PCSK9: variants seen among roughly 807,000 people sequenced by gnomAD.
PCSK9 encodes the protein convertase subtilisin/kexin type 9 preproprotein.
PCSK9 carries 57 observed loss-of-function variants against 62.1 expected under a neutral mutation model. That is an observed-to-expected ratio of 0.92 (90% CI 0.74 to 1.14). PCSK9 has a LOEUF of 1.14. Among genes scored for constraint, PCSK9 ranks in the 50% most tolerant of loss-of-function variants. PCSK9 has a pLI of 0.00. For synonymous variants in PCSK9, 387 were observed against 409.4 expected (o/e 0.95, Z 0.66); for missense variants, 870 against 959.8 (o/e 0.91, Z 1.24).
rs1304809659 is a variant in PCSK9, at chr1:55,039,928, C to G, written c.91C>G (p.Gln31Glu). Residue 31 changes from glutamine (Q) to glutamate (E), a missense_variant, in exon 1 of 12, where the codon CAG (glutamine) becomes GAG (glutamate). Physicochemically the swap from Gln to Glu is conservative, Grantham distance 29 (BLOSUM62 2). Transcript: ENST00000302118. ...LLLGPAGARA[Q>E]EDEDGDYEEL... ...CCTGGGTCCCGCGGGCGCCCGTGCGCAGGAGGACGAGGACGGCGACTACGA... is the reference window on the plus strand; with the variant it reads ...CCTGGGTCCCGCGGGCGCCCGTGCGGAGGAGGACGAGGACGGCGACTACGA... The G allele has an allele frequency of 3.8e-6, 6 of 1,571,236 alleles. No homozygotes were observed. In the East Asian group the frequency reaches 7.0e-5, roughly 18 times the overall value.
intron 6 of PCSK9, 44 bp downstream of exon 6, chr1:55,056,233 AG>A (rs1644713761): frequency 6.0e-4 from 27 of 45,352 alleles, no homozygotes; most frequent in Non-Finnish European, 7.6e-4. Context: ...TAGGGGGCGG[AG>A]GGCGGAGGGC....
chr1:55,063,790 G>C lies in PCSK9; in HGVS notation c.*206G>C, dbSNP rs1244220160. ...ACTCACTCTGGGTGCCTCCTCCCCA[G>C]GTGGAGGTGCCAGGAAGCTCCCTCC... On this transcript the variant is annotated 3_prime_UTR_variant, in exon 12 of 12. Transcript: ENST00000302118. 6.4e-6 allele frequency: 4 copies of C among 625,482 alleles called. No individual in the cohort carries two copies. Among genetic ancestry groups the C allele is most frequent in the Non-Finnish European group, 1.1e-5 (4 of 363,292 alleles). The allele number at this position is 625,482 out of a possible 1,614,324, so 38.7% of individuals were successfully genotyped here. A position where few individuals can be genotyped will look rare whatever the true frequency, so the allele number is the denominator to read the frequency against.
chr1:55,058,815 C>T (rs1252745682), intron 9 of PCSK9, among the ~76,000 whole-genome samples, 168 bp downstream of exon 9: 2 of 152,180 alleles, frequency 1.3e-5, no homozygotes, highest in Non-Finnish European at 2.9e-5. Flanking sequence ...AGGAGTGGGG[C>T]ACTCCTCACT....
chr1:55,060,635 C>A (rs1015829364), intron 10 of PCSK9, among the ~76,000 whole-genome samples: 1 of 152,118 alleles, frequency 6.6e-6, no homozygotes, highest in African/African-American at 2.4e-5. Context: ...CCGATGAGCT[C>A]ACAGGCACAT....
At chr1:55,061,647 C>T (rs1398700581) in intron 11 of PCSK9, 91 bp downstream of exon 11, 7 of 1,502,606 alleles carry the variant, frequency 4.7e-6, no homozygotes, top group African/African-American at 2.8e-5. Context: ...ACCATACCGC[C>T]ATGCATCAGG....
intron 10 of PCSK9, among the ~76,000 whole-genome samples, chr1:55,060,370 G>C (rs901366942): frequency 1.6e-4 from 25 of 152,168 alleles, no homozygotes; most frequent in African/African-American, 5.5e-4. Flanking sequence ...CTCCAGCCTG[G>C]AATAAGAGGC....
chr1:55,058,199 C>T lies in PCSK9; in HGVS notation c.1344C>T (p.Thr448=). Reference sequence around the variant, plus strand: ...TGGTGGCCGCCCTGCCCCCCAGCACCCATGGGGCAGGTAAGCAGGATGGCA... The same window carrying T: ...TGGTGGCCGCCCTGCCCCCCAGCACTCATGGGGCAGGTAAGCAGGATGGCA... ...PNLVAALPPS[T]HGAGWQLFCR... The change falls in exon 8 of 12, where the codon ACC becomes ACT. Residue 448 remains threonine, a synonymous_variant. Coordinates refer to ENST00000302118, the MANE Select transcript of PCSK9 (RefSeq NM_174936.4). 1 of 1,612,552 alleles carries T rather than the reference C, an allele frequency of 6.2e-7. No individual in the cohort carries two copies. The highest frequency in any genetic ancestry group is 1.3e-5 in the African/African-American group (1 of 75,030).
chr1:55,058,337 A>T, intron 8 of PCSK9, 128 bp downstream of exon 8: 1 of 1,489,474 alleles, frequency 6.7e-7, no homozygotes, highest in Non-Finnish European at 9.2e-7. Flanking sequence ...ATTAAATGAG[A>T]ATGGGGCTCT....
rs1360351644 is a variant in PCSK9 at position 55,040,094 on chromosome 1, G to A, written c.207+50G>A. 9.1e-6 allele frequency: 14 copies of A among 1,540,246 alleles called. No individual in the cohort carries two copies. Among genetic ancestry groups the A allele is most frequent in the Non-Finnish European group, 1.2e-5 (14 of 1,140,288 alleles). ...GGGGCGAACCCGCAGCCGGGACGGT[G>A]CGGTGCTGTTTCCTCTCGGGCCTCA... On this transcript the variant is annotated intron_variant, in intron 1 of 11. Coordinates refer to ENST00000302118, the MANE Select transcript of PCSK9 (RefSeq NM_174936.4). This position sits in a 1 kb window ranked among gnomAD's most constrained non-coding sequence, Gnocchi z 4.1.
chr1:55,058,158 G>A lies in PCSK9; in HGVS notation c.1303G>A (p.Val435Ile). 6.2e-7 allele frequency: 1 copy of A among 1,613,556 alleles called. No individual in the cohort carries two copies. Among genetic ancestry groups the A allele is most frequent in the Non-Finnish European group, 8.5e-7 (1 of 1,180,028 alleles). The change falls in exon 8 of 12, where the codon GTA (valine) becomes ATA (isoleucine). Residue 435 changes from valine to isoleucine, a missense_variant. Transcript: ENST00000302118. ...NEAWFPEDQRVLTPNLVAALP... is the reference protein window; with the variant it reads ...NEAWFPEDQRILTPNLVAALP... Reference sequence around the variant, plus strand: ...GGCCTGGTTCCCTGAGGACCAGCGGGTACTGACCCCCAACCTGGTGGCCGC... The same window carrying A: ...GGCCTGGTTCCCTGAGGACCAGCGGATACTGACCCCCAACCTGGTGGCCGC...
chr1:55,043,074 G>A (rs1448346416), intron 1 of PCSK9, among the ~76,000 whole-genome samples: 2 of 152,212 alleles, frequency 1.3e-5, no homozygotes, highest in African/African-American at 2.4e-5. Context: ...CTCACCAGAA[G>A]CAGATGCTGG....
Position 55,061,388 on chromosome 1 carries a change from C to T in PCSK9, c.1695C>T (p.His565=). 3 of 1,608,716 alleles carry T rather than the reference C, an allele frequency of 1.9e-6. No homozygotes were observed. Among genetic ancestry groups the T allele is most frequent in the Non-Finnish European group, 2.5e-6 (3 of 1,178,454 alleles). ...CCTCTGCCCCAGGCTGCAGCTCCCA[C>T]TGGGAGGTGGAGGACCTTGGCACCC... The part of the protein sequence containing the change: ...QGHVLTGCSS[H]WEVEDLGTHK... Residue 565 remains histidine (H), a synonymous_variant, in exon 11 of 12, where the codon CAC becomes CAT. Transcript: ENST00000302118.
intron 9 of PCSK9, among the ~76,000 whole-genome samples, chr1:55,059,186 G>A (rs1206997551): frequency 1.3e-5 from 2 of 152,206 alleles, no homozygotes; most frequent in African/African-American, 2.4e-5. Context: ...TAATGCTCGT[G>A]TGAGAGGCAG....
chr1:55,063,542 C>T lies in PCSK9; in HGVS notation c.2037C>T (p.Cys679=), dbSNP rs28362286. 2 of 1,613,110 alleles carry T rather than the reference C, an allele frequency of 1.2e-6. No homozygotes were observed. Among genetic ancestry groups the T allele is most frequent in the Non-Finnish European group, 1.7e-6 (2 of 1,179,722 alleles). Residue 679 remains cysteine (C), a synonymous_variant, in exon 12 of 12, where the codon TGC becomes TGT. Coordinates refer to ENST00000302118, the MANE Select transcript of PCSK9 (RefSeq NM_174936.4). ...EGAVTAVAIC[C]RSRHLAQASQ... is the part of the protein sequence containing the mutation. The stretch of plus-strand genomic sequence containing the variant: ...CCGTGACAGCCGTTGCCATCTGCTG[C>T]CGGAGCCGGCACCTGGCGCAGGCCT...
intron 10 of PCSK9, 39 bp downstream of exon 10, chr1:55,059,702 CTT>C (rs1211313024): frequency 2.1e-5 from 32 of 1,544,934 alleles, no homozygotes; most frequent in Non-Finnish European, 2.6e-5. Flanking sequence ...GGAGGGGTCT[CTT>C]TCTCCTTATG....
At chr1:55,054,776 C>T (rs141855360) in intron 5 of PCSK9, among the ~76,000 whole-genome samples, 5 of 152,130 alleles carry the variant, frequency 3.3e-5, no homozygotes, top group Non-Finnish European at 5.9e-5. Context: ...GAGGGCAAGG[C>T]GGGAGGATCA....
In PCSK9 at chr1:55,063,528, G is replaced by C; in HGVS notation, c.2023G>C (p.Val675Leu). 6.2e-7 allele frequency: 1 copy of C among 1,613,560 alleles called. No homozygotes were observed. Among genetic ancestry groups the C allele is most frequent in the Non-Finnish European group, 8.5e-7 (1 of 1,179,746 alleles). The change falls in exon 12 of 12, where the codon GTT (valine) becomes CTT (leucine). Residue 675 changes from valine to leucine, a missense_variant. Physicochemically the swap from Val to Leu is conservative, Grantham distance 32. Coordinates refer to ENST00000302118, the MANE Select transcript of PCSK9 (RefSeq NM_174936.4). ...CACCAGCGAAGGGGCCGTGACAGCC[G>C]TTGCCATCTGCTGCCGGAGCCGGCA... ...GSTSEGAVTAVAICCRSRHLA... is the reference protein window; with the variant it reads ...GSTSEGAVTALAICCRSRHLA...
chr1:55,044,628 C>T (rs904686426), intron 2 of PCSK9, among the ~76,000 whole-genome samples: 1 of 152,204 alleles, frequency 6.6e-6, no homozygotes, highest in East Asian at 1.9e-4. Flanking sequence ...TCTGCACCAC[C>T]TTCTAGCCCA....
chr1:55,056,153 C>A lies in PCSK9; in HGVS notation c.960C>A (p.Asp320Glu), dbSNP rs910368517. The change falls in exon 6 of 12, where the codon GAC becomes GAA. Residue 320 changes from aspartate to glutamate, a missense_variant. By Grantham distance (45) the Asp-to-Glu change is conservative. Coordinates refer to ENST00000302118, the MANE Select transcript of PCSK9 (RefSeq NM_174936.4). ...TCACCGCTGCCGGCAACTTCCGGGA[C>A]GATGCCTGCCTCTACTCCCCAGCCT... ...VLVTAAGNFRDDACLYSPASA... is the reference protein window; with the variant it reads ...VLVTAAGNFREDACLYSPASA... 2 of 1,532,786 alleles carry A rather than the reference C, an allele frequency of 1.3e-6. No individual in the cohort carries two copies. The highest frequency in any genetic ancestry group is 1.8e-6 in the Non-Finnish European group (2 of 1,131,558). The allele number at this position is 1,532,786 out of a possible 1,614,324, so 94.9% of individuals were successfully genotyped here.
Sources: allele counts gnomAD v4.1 joint callset (sites outside exome capture counted in the v4.1 genomes callset), GRCh38; gene constraint gnomAD v4.1.1; non-coding constraint Gnocchi (gnomAD v3.1); transcripts MANE v1.5; gene names NCBI Gene and HGNC (gene_info 2026-07-23, HGNC 2026-07-21).